Variants in TMCC2 observed in about 807,000 individuals in gnomAD.
The protein encoded by TMCC2 is transmembrane and coiled-coil domain family 2, also known as transmembrane and coiled-coil domains protein 2.
Under a neutral mutation model 49.4 loss-of-function variants are expected in TMCC2, and 16 were observed. The ratio of observed to expected loss-of-function variants is 0.32; its 90% CI spans 0.22 to 0.49. The LOEUF is 0.49. Among genes scored for constraint, TMCC2 ranks in the 20% least tolerant of loss-of-function variants. TMCC2 has a pLI of 0.99. For missense variants in TMCC2, 762 were observed against 989.8 expected, an observed-to-expected ratio of 0.77 and a Z score of 3.09; for synonymous variants, 397 against 434.1, an observed-to-expected ratio of 0.91 and a Z score of 1.06.
intron 1 of TMCC2, chr1:205,229,561 G>GT: frequency 1.4e-6 from 1 of 701,338 alleles, no homozygotes; most frequent in Non-Finnish European, 1.6e-6. Context: ...GGGGGGGGTG[G>GT]TGGCGGGGGC....
chr1:205,272,254 C>A lies in TMCC2; in HGVS notation c.*130C>A. 2 of 1,445,500 alleles carry A rather than the reference C, an allele frequency of 1.4e-6. No individual in the cohort carries two copies. The highest frequency in any genetic ancestry group is 1.8e-6 in the Non-Finnish European group (2 of 1,096,940). The allele number at this position is 1,445,500 out of a possible 1,614,324, so 89.5% of individuals were successfully genotyped here. On this transcript the variant is annotated 3_prime_UTR_variant, in exon 5 of 5. Coordinates refer to ENST00000358024, the MANE Select transcript of TMCC2 (RefSeq NM_014858.4). ...AACTGTCCATTCCAGCAGCTCCTGC[C>A]CCCTTCTCTGTACTTGCTTCTGTCT...
chr1:205,239,893 C>A (rs1342149003), intron 1 of TMCC2, among the ~76,000 whole-genome samples: 1 of 151,826 alleles, frequency 6.6e-6, no homozygotes, highest in Non-Finnish European at 1.5e-5. Flanking sequence ...GTGGGGTCAG[C>A]TCATTTAGAG....
At chr1:205,257,837 G>T (rs116833856) in intron 2 of TMCC2, among the ~76,000 whole-genome samples, 1,994 of 152,292 alleles carry the variant, frequency 0.013, 52 homozygotes, top group African/African-American at 0.046. Flanking sequence ...GAATTCAGAG[G>T]ATGGACAATG....
At chr1:205,262,551 TG>T in intron 2 of TMCC2, among the ~76,000 whole-genome samples, 1 of 152,288 alleles carries the variant, frequency 6.6e-6, no homozygotes, top group African/African-American at 2.4e-5. Flanking sequence ...AGGGGAAGGA[TG>T]GGGGGATGTC....
intron 2 of TMCC2, among the ~76,000 whole-genome samples, chr1:205,258,818 G>A (rs1660985476): frequency 6.6e-6 from 1 of 152,224 alleles, no homozygotes; most frequent in Non-Finnish European, 1.5e-5. Flanking sequence ...ATTTTAGCTG[G>A]CTGTAGGCTT....
chr1:205,270,507 C>T lies in TMCC2; in HGVS notation c.1683-613C>T, dbSNP rs140488767. Among the ~76,000 whole-genome samples, 914 of 152,336 alleles carry T rather than the reference C, an allele frequency of 6.0e-3. 6 individuals carry two copies. The highest frequency in any genetic ancestry group is 0.018 in the South Asian group (85 of 4,828). ...TTCTGCCCTTGGCTCTGTGCCTCTGCAGCACTTGCCGCTCGCTCCCTGGGC... is the reference window on the plus strand; with the variant it reads ...TTCTGCCCTTGGCTCTGTGCCTCTGTAGCACTTGCCGCTCGCTCCCTGGGC... On this transcript the variant is annotated intron_variant, in intron 3 of 4. Transcript: ENST00000358024.
intron 2 of TMCC2, among the ~76,000 whole-genome samples, chr1:205,242,465 G>A (rs1660311153): frequency 6.6e-6 from 1 of 152,122 alleles, no homozygotes; most frequent in South Asian, 2.1e-4. Flanking sequence ...GACTAAATGA[G>A]TTAATATATG....
At chr1:205,248,400 C>G (rs896895928) in intron 2 of TMCC2, among the ~76,000 whole-genome samples, 1 of 152,196 alleles carries the variant, frequency 6.6e-6, no homozygotes, top group Admixed American at 6.5e-5. Context: ...CAGATTGAGA[C>G]CCCATCTCCA....
At chr1:205,243,125 T>C (rs1660332985) in intron 2 of TMCC2, among the ~76,000 whole-genome samples, 1 of 152,194 alleles carries the variant, frequency 6.6e-6, no homozygotes, top group Non-Finnish European at 1.5e-5. Flanking sequence ...GGCTCACACC[T>C]GTAATCCCAG....
In TMCC2 at chr1:205,228,722, C is replaced by G; in HGVS notation, c.158C>G (p.Ala53Gly). Residue 53 changes from alanine to glycine, a missense_variant, in exon 1 of 5, where the codon GCT becomes GGT. Coordinates refer to ENST00000358024, the MANE Select transcript of TMCC2 (RefSeq NM_014858.4). ...GGCGGGCCAACTTCAGACGCCGGCG[C>G]TGCCGCGGCGCCCAACCCAGGTCCC... ...SAGGPTSDAG[A>G]AAAPNPGPRS... 1.2e-6 allele frequency: 2 copies of G among 1,610,936 alleles called. No homozygotes were observed. The highest frequency in any genetic ancestry group is 1.7e-6 in the Non-Finnish European group (2 of 1,179,282).
chr1:205,268,386 G>A (rs1332699422), intron 2 of TMCC2, among the ~76,000 whole-genome samples: 1 of 152,222 alleles, frequency 6.6e-6, no homozygotes, highest in Non-Finnish European at 1.5e-5. Flanking sequence ...GGCCAAGGCA[G>A]GCAGATCACT....
chr1:205,230,058 A>G, intron 1 of TMCC2: 1 of 985,494 alleles, frequency 1.0e-6, no homozygotes, highest in Non-Finnish European at 1.2e-6. Flanking sequence ...ACTCTGTTGC[A>G]TTTAATAAAG....
chr1:205,244,340 G>A (rs1258174119), intron 2 of TMCC2, among the ~76,000 whole-genome samples: 3 of 152,214 alleles, frequency 2.0e-5, no homozygotes. Flanking sequence ...AGGTGAAAGG[G>A]TGTGAGATCC....
intron 2 of TMCC2, among the ~76,000 whole-genome samples, chr1:205,265,563 C>CTTT (rs938828110): frequency 7.2e-6 from 1 of 139,474 alleles, no homozygotes; most frequent in Non-Finnish European, 1.6e-5. Flanking sequence ...ATTTTCTTTT[C>CTTT]TTTTTTTTTT....
Position 205,228,677 on chromosome 1 carries a change from CCA to C in TMCC2, c.115_116del (p.Thr39GlyfsTer3). The C allele has an allele frequency of 6.2e-7, 1 of 1,612,964 alleles. No individual in the cohort carries two copies. Among genetic ancestry groups the C allele is most frequent in the Non-Finnish European group, 8.5e-7 (1 of 1,179,906 alleles). On this transcript the variant is annotated frameshift_variant, in exon 1 of 5. Coordinates refer to ENST00000358024, the MANE Select transcript of TMCC2 (RefSeq NM_014858.4). LOFTEE classifies it high-confidence loss of function. ...GGCGCGGACCTCCGGCCTGGGGAGA[CCA>C]CGGGTGCTAACTCTGCTGGCGGGCC... is the stretch of plus-strand genomic sequence containing the variant.
chr1:205,266,173 G>A (rs1480770795), intron 2 of TMCC2, among the ~76,000 whole-genome samples: 2 of 150,486 alleles, frequency 1.3e-5, no homozygotes, highest in South Asian at 2.1e-4. Context: ...CCCCGGAGGC[G>A]GAGCTTGCAG....
intron 1 of TMCC2, among the ~76,000 whole-genome samples, chr1:205,240,815 A>G (rs1224798403): frequency 1.3e-5 from 2 of 152,198 alleles, no homozygotes; most frequent in African/African-American, 4.8e-5. Flanking sequence ...CAGGAAAGCA[A>G]AAGTGCTCCC....
Position 205,228,543 on chromosome 1 carries a change from C to T in TMCC2, c.-22C>T. ...GACGGCGCGCTGGAAGGACAGATTC[C>T]CCTTGCCGACCCACATACACCATGA... On this transcript the variant is annotated 5_prime_UTR_variant, in exon 1 of 5. Transcript: ENST00000358024. 2 of 1,580,872 alleles carry T rather than the reference C, an allele frequency of 1.3e-6. No homozygotes were observed. The highest frequency in any genetic ancestry group is 1.7e-4 in the Middle Eastern group (1 of 5,930).
chr1:205,254,186 A>G lies in TMCC2; in HGVS notation c.747+12142A>G, dbSNP rs575796606. On this transcript the variant is annotated intron_variant, in intron 2 of 4. Coordinates refer to ENST00000358024, the MANE Select transcript of TMCC2 (RefSeq NM_014858.4). ...TTTTAGACCAGGTCTTCTGACTCCC[A>G]AGCACTCTGTGGGCCACTGAAAGGC... is the stretch of plus-strand genomic sequence containing the variant. Among the ~76,000 whole-genome samples, 84 of 152,266 alleles carry G rather than the reference A, an allele frequency of 5.5e-4. 1 individual carries two copies. In the Middle Eastern group the frequency reaches 0.01, roughly 18 times the overall value.
Sources: allele counts gnomAD v4.1 joint callset (sites outside exome capture counted in the v4.1 genomes callset), GRCh38; gene constraint gnomAD v4.1.1; transcripts MANE v1.5; gene names NCBI Gene and HGNC (gene_info 2026-07-23, HGNC 2026-07-21).